CFAP47: variants seen among roughly 807,000 people sequenced by gnomAD.
CFAP47 encodes the protein cilia and flagella associated protein 47, also known as cilia- and flagella-associated protein 47.
CFAP47 carries 29 observed loss-of-function variants against 148.1 expected under a neutral mutation model. The observed-to-expected ratio is 0.20, with a 90% CI of 0.15 to 0.27. The LOEUF (loss-of-function observed/expected upper bound fraction) is 0.27. Ranked by LOEUF, CFAP47 falls within the 10% of genes least tolerant of loss-of-function variation. CFAP47 has a pLI of 1.00. For missense variants in CFAP47, 1,872 were observed against 1,697.5 expected, an observed-to-expected ratio of 1.10 and a Z score of -1.81; for synonymous variants, 664 against 577.3, an observed-to-expected ratio of 1.15 and a Z score of -2.15.
In CFAP47 at chrX:36,066,788, A is replaced by G. The variant is rs970892016; in HGVS notation, c.4318+1045A>G. On this transcript the variant is annotated intron_variant, in intron 27 of 63. Coordinates refer to ENST00000378653, the MANE Select transcript of CFAP47 (RefSeq NM_001304548.2). ...CAGCAGGCTCATTCCCAAAGAGCAA[A>G]AAGGGTAGCTTCAGGCCATGCATTC... 2.7e-5 allele frequency among the ~76,000 whole-genome samples: 3 copies of G among 111,879 alleles called. No individual in the cohort carries two copies. The Admixed American group carries it at 2.8e-4, about 11-fold the overall frequency.
In CFAP47 at chrX:36,385,124, G is replaced by T; in HGVS notation, c.*118G>T. 6.2e-6 allele frequency: 3 copies of T among 482,185 alleles called. No homozygotes were observed. Among genetic ancestry groups the T allele is most frequent in the Non-Finnish European group, 7.0e-6 (2 of 285,315 alleles). The allele number at this position is 482,185 out of a possible 1,213,427, so 39.7% of individuals were successfully genotyped here. ...TATAATAGGCCTTCTATATTTCCTT[G>T]TCTTTTAAAATTCAATCTGTTCTCT... On this transcript the variant is annotated 3_prime_UTR_variant, in exon 64 of 64. Coordinates refer to ENST00000378653, the MANE Select transcript of CFAP47 (RefSeq NM_001304548.2).
At chrX:35,929,645 T>C (rs1935795687) in intron 2 of CFAP47, among the ~76,000 whole-genome samples, 1 of 111,098 alleles carries the variant, frequency 9.0e-6, no homozygotes, top group South Asian at 3.7e-4. Flanking sequence ...CAAAAGCATA[T>C]GCTTTTTACC....
intron 33 of CFAP47, among the ~76,000 whole-genome samples, chrX:36,120,090 G>T (rs1373811662): frequency 9.2e-6 from 1 of 108,705 alleles, no homozygotes; most frequent in East Asian, 2.9e-4. Flanking sequence ...CCGCCTCCCA[G>T]GTTCAGGTTC....
At chrX:36,060,141 C>T (rs1219594093) in intron 26 of CFAP47, among the ~76,000 whole-genome samples, 1 of 111,595 alleles carries the variant, frequency 9.0e-6, no homozygotes. Context: ...TACCTAACCT[C>T]AGGTGTTTCT....
rs376783752 is a variant in CFAP47, at chrX:35,970,941, A to G, written c.1970+18A>G. The G allele has an allele frequency of 1.5e-4, 177 of 1,168,325 alleles. 3 individuals are homozygous for G. Among genetic ancestry groups the G allele is most frequent in the African/African-American group, 1.4e-3 (77 of 55,160 alleles). On this transcript the variant is annotated intron_variant, in intron 11 of 63. Coordinates refer to ENST00000378653, the MANE Select transcript of CFAP47 (RefSeq NM_001304548.2). ...GCAGAGAGGTAATGTTCAGTTCCTC[A>G]AAAAATATGCAACAGATCATGGTGT...
rs762034498 is a variant in CFAP47, at chrX:35,966,552, C to CT, written c.1411-3dup. On this transcript the variant is annotated splice_polypyrimidine_tract_variant and intron_variant, in intron 8 of 63. Coordinates refer to ENST00000378653, the MANE Select transcript of CFAP47 (RefSeq NM_001304548.2). Reference sequence around the variant, plus strand: ...CAATTTATTATTGGTTACTTTTCATCTTTTTTTTTTAGGATGTGATGTGTT... The same window carrying CT: ...CAATTTATTATTGGTTACTTTTCATCTTTTTTTTTTTAGGATGTGATGTGTT... The CT allele has an allele frequency of 5.0e-3, 3,987 of 790,898 alleles. No homozygotes were observed. Among genetic ancestry groups the CT allele is most frequent in the South Asian group, 5.5e-3 (116 of 20,917 alleles). 65.2% of individuals were successfully genotyped at this position (790,898 alleles called of 1,213,427 possible). A position where few individuals can be genotyped will look rare whatever the true frequency, so the allele number is the denominator to read the frequency against.
At chrX:36,268,037 C>T (rs1940915300) in intron 49 of CFAP47, among the ~76,000 whole-genome samples, 1 of 112,803 alleles carries the variant, frequency 8.9e-6, no homozygotes, top group African/African-American at 3.2e-5. Context: ...ATTCTATCCC[C>T]AAGTTGTACT....
intron 15 of CFAP47, among the ~76,000 whole-genome samples, chrX:35,984,863 A>G (rs1399622483): frequency 9.0e-6 from 1 of 111,159 alleles, no homozygotes; most frequent in African/African-American, 3.3e-5. Context: ...GGCCAATTGT[A>G]TGGTCAGTTT....
chrX:36,130,530 A>C (rs1042838524), intron 33 of CFAP47, among the ~76,000 whole-genome samples: 2 of 111,132 alleles, frequency 1.8e-5, no homozygotes, highest in African/African-American at 6.5e-5. Flanking sequence ...TCCTCAAAAA[A>C]CTAAAAATTG....
At chrX:35,970,686 A>C in intron 10 of CFAP47, 82 bp from the exon 11 acceptor site, 1 of 737,767 alleles carries the variant, frequency 1.4e-6, no homozygotes. Flanking sequence ...CCTGATATAG[A>C]AATTGGCTAG....
At chrX:35,987,901 C>T (rs1936739516) in intron 15 of CFAP47, among the ~76,000 whole-genome samples, 1 of 111,380 alleles carries the variant, frequency 9.0e-6, no homozygotes, top group Non-Finnish European at 1.9e-5. Flanking sequence ...TGAGGTGACA[C>T]CCCACCCTGC....
chrX:36,266,356 C>A (rs1556001042), intron 49 of CFAP47, among the ~76,000 whole-genome samples: 1 of 110,707 alleles, frequency 9.0e-6, no homozygotes, highest in Admixed American at 9.6e-5. Flanking sequence ...AAGGGTGACA[C>A]CAGAAGGAAG....
intron 38 of CFAP47, 130 bp downstream of exon 38, chrX:36,159,706 T>C: frequency 3.5e-6 from 1 of 283,829 alleles, no homozygotes; most frequent in Non-Finnish European, 6.2e-6. Flanking sequence ...TGGATACTTG[T>C]GATTTAAGTT....
chrX:36,131,245 A>G (rs1938942937), intron 33 of CFAP47, among the ~76,000 whole-genome samples: 1 of 111,131 alleles, frequency 9.0e-6, no homozygotes, highest in African/African-American at 3.3e-5. Context: ...AAAGACTATA[A>G]CAAGTGTTGG....
intron 56 of CFAP47, among the ~76,000 whole-genome samples, chrX:36,312,750 A>C (rs1341151493): frequency 6.2e-5 from 7 of 112,087 alleles, no homozygotes; most frequent in African/African-American, 2.3e-4. Context: ...ACAATTAAAA[A>C]TTGATCAGTC....
rs142424068 is a variant in CFAP47 at position 36,382,425 on chromosome X, T to C, written c.9355-2372T>C. On this transcript the variant is annotated intron_variant, in intron 63 of 63. Coordinates refer to ENST00000378653, the MANE Select transcript of CFAP47 (RefSeq NM_001304548.2). Reference sequence around the variant, plus strand: ...ATCTTGAGCCAAAGAGGTACAAAATTGATCTATGAAGTTTCACACATATTT... The same window carrying C: ...ATCTTGAGCCAAAGAGGTACAAAATCGATCTATGAAGTTTCACACATATTT... Among the ~76,000 whole-genome samples, 888 of 111,582 alleles carry C rather than the reference T, an allele frequency of 8.0e-3. 10 individuals carry two copies. The highest frequency in any genetic ancestry group is 0.028 in the African/African-American group (845 of 30,690).
At chrX:36,238,915 G>A (rs782810171) in intron 48 of CFAP47, among the ~76,000 whole-genome samples, 10 of 111,786 alleles carry the variant, frequency 8.9e-5, no homozygotes, top group Non-Finnish European at 1.9e-4. Flanking sequence ...ACTCCACTTT[G>A]ATAATCTGTT....
intron 58 of CFAP47, 83 bp from the exon 59 acceptor site, chrX:36,349,955 C>A: frequency 1.8e-6 from 1 of 560,709 alleles, no homozygotes; most frequent in Non-Finnish European, 2.8e-6. Flanking sequence ...TACTAAAATA[C>A]CATAAAGTTA....
At position 36,348,155 on chromosome X, in the gene CFAP47, A is replaced by G. The variant is rs1556016903; in HGVS notation, c.8470A>G (p.Ile2824Val). 8.7e-6 allele frequency: 9 copies of G among 1,037,186 alleles called. No homozygotes were observed. The highest frequency in any genetic ancestry group is 1.1e-5 in the Non-Finnish European group (9 of 798,159). 85.5% of individuals were successfully genotyped at this position (1,037,186 alleles called of 1,213,427 possible). A position where few individuals can be genotyped will look rare whatever the true frequency, so the allele number is the denominator to read the frequency against. ...AATTGCACTGCCTCCTAAAGGAAAT[A>G]TAGATATCTCATTGTTATTTATACC... ...QGIALPPKGN[I>V]DISLLFIPQI... Residue 2824 changes from isoleucine (I) to valine (V), a missense_variant, in exon 58 of 64, where the codon ATA (isoleucine) becomes GTA (valine). Transcript: ENST00000378653.
Sources: gnomAD v4.1 joint callset for allele counts (sites outside exome capture counted in the v4.1 genomes callset) on GRCh38, gnomAD v4.1.1 for gene constraint, MANE v1.5 for transcripts, NCBI Gene and HGNC (gene_info 2026-07-23, HGNC 2026-07-21) for gene names.